Variants in SH3GL3 observed in about 807,000 individuals in gnomAD.
SH3GL3 encodes SH3 domain containing GRB2 like 3, endophilin A3.
In SH3GL3, 33 loss-of-function variants were observed where a neutral mutation model predicts 47.7. The observed-to-expected ratio is 0.69, with a 90% CI of 0.52 to 0.92. SH3GL3 has a LOEUF of 0.92. Ranked by LOEUF, SH3GL3 falls within the 40% of genes least tolerant of loss-of-function variation. SH3GL3 has a pLI of 0.00. For synonymous variants in SH3GL3, 155 were observed against 148.8 expected, an observed-to-expected ratio of 1.04 and a Z score of -0.30; for missense variants, 363 against 417.8, an observed-to-expected ratio of 0.87 and a Z score of 1.14.
intron 2 of SH3GL3, among the ~76,000 whole-genome samples, chr15:83,562,183 C>A (rs965839478): frequency 7.2e-5 from 11 of 151,922 alleles, no homozygotes; most frequent in Non-Finnish European, 1.5e-4. Flanking sequence ...ATCTTGACTC[C>A]ACATTAGCCA....
At chr15:83,617,949 G>T (rs2060871596) in intron 8 of SH3GL3, 133 bp from the exon 9 acceptor site, 1 of 652,744 alleles carries the variant, frequency 1.5e-6, no homozygotes, top group Non-Finnish European at 2.7e-6. Context: ...CCGTGAGCTG[G>T]GTGGAGCTGG....
intron 1 of SH3GL3, among the ~76,000 whole-genome samples, chr15:83,490,584 G>A (rs1043414534): frequency 2.0e-5 from 3 of 152,120 alleles, no homozygotes; most frequent in Non-Finnish European, 2.9e-5. Context: ...TGTTGCCTCC[G>A]TGATGTCACA....
At chr15:83,581,427 C>T (rs2059824998) in intron 6 of SH3GL3, among the ~76,000 whole-genome samples, 2 of 152,212 alleles carry the variant, frequency 1.3e-5, no homozygotes, top group African/African-American at 2.4e-5. Flanking sequence ...GGGCCTGGGC[C>T]CACAGTAGAA....
chr15:83,529,289 C>T (rs2043558550), intron 1 of SH3GL3, among the ~76,000 whole-genome samples: 1 of 152,132 alleles, frequency 6.6e-6, no homozygotes, highest in African/African-American at 2.4e-5. Context: ...GATTCTTGGG[C>T]CTCCAGGTGG....
chr15:83,508,161 C>T (rs577170364), intron 1 of SH3GL3, among the ~76,000 whole-genome samples: 5 of 151,846 alleles, frequency 3.3e-5, no homozygotes, highest in South Asian at 2.1e-4. Flanking sequence ...AGGATGGTCT[C>T]GATCTCCTGA....
In SH3GL3 at chr15:83,581,901, T is replaced by G. The variant is rs149239239; in HGVS notation, c.625-5082T>G. Among the ~76,000 whole-genome samples the G allele has an allele frequency of 1.5e-3, 236 of 152,302 alleles. 1 individual carries two copies. The highest frequency in any genetic ancestry group is 5.4e-3 in the African/African-American group (226 of 41,564). ...GCCTGAGGCTGAGCAGTGTCGTTAT[T>G]CTATAGGCAGTGATGCAAGCCAGGA... On this transcript the variant is annotated intron_variant, in intron 6 of 8. Transcript: ENST00000427482.
In SH3GL3 at chr15:83,470,045, A is replaced by G. The variant is rs142378751; in HGVS notation, c.45+22467A>G. 3.9e-5 allele frequency among the ~76,000 whole-genome samples: 6 copies of G among 152,182 alleles called. No homozygotes were observed. The East Asian group carries it at 9.7e-4, about 25-fold the overall frequency. ...GTCTACTTGGTGCACTCACTCTTTT[A>G]CTATCATATAATGTTCCTGTCTCTG... On this transcript the variant is annotated intron_variant, in intron 1 of 8. Transcript: ENST00000427482.
chr15:83,598,506 A>G (rs1459946095), intron 8 of SH3GL3, among the ~76,000 whole-genome samples: 1 of 152,192 alleles, frequency 6.6e-6, no homozygotes, highest in Non-Finnish European at 1.5e-5. Flanking sequence ...AGTGATAGGG[A>G]TTTGGTACAT....
intron 8 of SH3GL3, among the ~76,000 whole-genome samples, chr15:83,589,091 A>G (rs764321571): frequency 3.9e-5 from 6 of 152,186 alleles, no homozygotes; most frequent in Non-Finnish European, 5.9e-5. Context: ...AGCAACTGCT[A>G]TATGCTAGAT....
chr15:83,501,890 C>CA (rs780999692), intron 1 of SH3GL3, among the ~76,000 whole-genome samples: 4 of 149,138 alleles, frequency 2.7e-5, no homozygotes, highest in Non-Finnish European at 5.9e-5. Flanking sequence ...GATTCCGTCT[C>CA]AAAAAAAAGA....
intron 1 of SH3GL3, among the ~76,000 whole-genome samples, chr15:83,497,913 G>A (rs2042144821): frequency 6.6e-6 from 1 of 152,186 alleles, no homozygotes; most frequent in African/African-American, 2.4e-5. Flanking sequence ...ACCACTGCTG[G>A]TTAAACTTTT....
intron 3 of SH3GL3, among the ~76,000 whole-genome samples, chr15:83,567,945 GC>G (rs1160409531): frequency 6.7e-6 from 1 of 150,196 alleles, no homozygotes; most frequent in African/African-American, 2.5e-5. Flanking sequence ...TCAGCAATGT[GC>G]CCCATCATTT....
intron 1 of SH3GL3, among the ~76,000 whole-genome samples, chr15:83,538,025 A>G (rs894126122): frequency 7.2e-5 from 11 of 152,146 alleles, no homozygotes; most frequent in Admixed American, 4.6e-4. Context: ...TGGAAGTGAG[A>G]TTAATTAATT....
At chr15:83,502,973 A>G (rs1328975472) in intron 1 of SH3GL3, among the ~76,000 whole-genome samples, 3 of 152,166 alleles carry the variant, frequency 2.0e-5, no homozygotes, top group African/African-American at 7.2e-5. Context: ...TTTAGGAGCA[A>G]TGGTTCAGTA....
At chr15:83,542,902 A>T (rs945614038) in intron 1 of SH3GL3, among the ~76,000 whole-genome samples, 4 of 152,076 alleles carry the variant, frequency 2.6e-5, no homozygotes, top group Non-Finnish European at 5.9e-5. Context: ...AGATCATGTT[A>T]TTTGCAAACA....
chr15:83,467,972 T>C (rs1249340357), intron 1 of SH3GL3, among the ~76,000 whole-genome samples: 1 of 151,970 alleles, frequency 6.6e-6, no homozygotes, highest in Non-Finnish European at 1.5e-5. Flanking sequence ...GGACTACAGG[T>C]GCCCGCCACC....
In SH3GL3 at chr15:83,502,654, G is replaced by T. The variant is rs1034127480; in HGVS notation, c.45+55076G>T. 2.0e-5 allele frequency among the ~76,000 whole-genome samples: 3 copies of T among 152,280 alleles called. No individual in the cohort carries two copies. The East Asian group carries it at 5.8e-4, about 29-fold the overall frequency. ...CTCACTGTAGCCTCGACCTTCTGGG[G>T]CTCAAGGGATCCTCCTCCCTCAGCC... On this transcript the variant is annotated intron_variant, in intron 1 of 8. Transcript: ENST00000427482.
chr15:83,538,856 T>C (rs2044033789), intron 1 of SH3GL3, among the ~76,000 whole-genome samples: 1 of 152,226 alleles, frequency 6.6e-6, no homozygotes. Context: ...TAGGAATTTC[T>C]GCTGGGTAGA....
rs189155390 is a variant in SH3GL3 at position 83,589,861 on chromosome 15, A to G, written c.838+1090A>G. On this transcript the variant is annotated intron_variant, in intron 8 of 8. Transcript: ENST00000427482. ...ATTGGTGGACGTTAAGGTTTTTTCC[A>G]GTTATTTGCTACAGTGAGTATCCTT... is the stretch of plus-strand genomic sequence containing the variant. Among the ~76,000 whole-genome samples the G allele has an allele frequency of 5.8e-4, 88 of 152,224 alleles. 1 individual carries two copies. The Middle Eastern group carries it at 0.01, about 18-fold the overall frequency.
Sources: allele counts gnomAD v4.1 joint callset (sites outside exome capture counted in the v4.1 genomes callset), GRCh38; gene constraint gnomAD v4.1.1; transcripts MANE v1.5; gene names NCBI Gene and HGNC (gene_info 2026-07-23, HGNC 2026-07-21).